The following SMYD2 variants were observed in gnomAD, a reference collection of about 807,000 sequenced individuals.
The protein encoded by SMYD2 is N-lysine methyltransferase SMYD2.
In SMYD2, 53 loss-of-function variants were observed where a neutral mutation model predicts 59.1. The observed-to-expected ratio is 0.90, with a 90% CI of 0.72 to 1.13. The LOEUF is 1.13. Ranked by LOEUF, SMYD2 falls within the 50% of genes most tolerant of loss-of-function variation. SMYD2 has a pLI of 0.00. For synonymous variants in SMYD2, 208 were observed against 198.8 expected (o/e 1.05, Z -0.39); for missense variants, 494 against 544.7 (o/e 0.91, Z 0.93).
chr1:214,324,371 G>A, intron 5 of SMYD2, among the ~76,000 whole-genome samples: 1 of 152,186 alleles, frequency 6.6e-6, no homozygotes, highest in East Asian at 1.9e-4. Context: ...AGTCCTCAGA[G>A]TCTTGGGGGT....
chr1:214,283,690 A>G (rs982263998), intron 1 of SMYD2, among the ~76,000 whole-genome samples: 2 of 152,178 alleles, frequency 1.3e-5, no homozygotes, highest in African/African-American at 4.8e-5. Context: ...ATTTTCCTCC[A>G]TAGGGCCTCA....
Position 214,318,124 on chromosome 1 carries a change from A to T in SMYD2, c.394A>T (p.Lys132Ter). ...RTPSEKLLAV[K>*]EFESHLDKLD... ...ACCTTCGGAAAAATTGTTAGCTGTG[A>T]AGGAGTTTGAATCACGTAAGTCTTT... is the stretch of plus-strand genomic sequence containing the variant. The change falls in exon 4 of 12, where the codon AAG becomes TAG. Residue 132 changes from lysine to a stop codon, truncating the protein, a stop_gained. Coordinates refer to ENST00000366957, the MANE Select transcript of SMYD2 (RefSeq NM_020197.3). LOFTEE classifies it high-confidence loss of function. This position sits in a 1 kb window ranked among gnomAD's most constrained non-coding sequence, Gnocchi z 5.4. The T allele has an allele frequency of 1.2e-6, 2 of 1,613,902 alleles. No individual in the cohort carries two copies. The highest frequency in any genetic ancestry group is 1.7e-6 in the Non-Finnish European group (2 of 1,179,972).
chr1:214,317,180 G>A (rs1208033464), intron 3 of SMYD2, among the ~76,000 whole-genome samples: 5 of 152,164 alleles, frequency 3.3e-5, no homozygotes, highest in African/African-American at 1.2e-4. Context: ...GGCACCAGGA[G>A]GGTAGTCTGA....
intron 1 of SMYD2, among the ~76,000 whole-genome samples, chr1:214,296,126 G>C (rs1001175993): frequency 6.6e-6 from 1 of 152,206 alleles, no homozygotes; most frequent in African/African-American, 2.4e-5. Flanking sequence ...ATTCATTTCA[G>C]TAGCAGAAAG....
intron 8 of SMYD2, 120 bp from the exon 9 acceptor site, chr1:214,330,830 G>C: frequency 6.9e-7 from 1 of 1,440,324 alleles, no homozygotes; most frequent in Non-Finnish European, 9.4e-7. Context: ...TCATTCTTTT[G>C]TAACCTTGGA....
At chr1:214,301,545 T>C (rs1028561678) in intron 1 of SMYD2, among the ~76,000 whole-genome samples, 38 of 140,702 alleles carry the variant, frequency 2.7e-4, no homozygotes, top group Middle Eastern at 7.0e-3. Flanking sequence ...ATATTACCAC[T>C]AGTCTCATCA....
intron 1 of SMYD2, among the ~76,000 whole-genome samples, chr1:214,286,749 C>CAAAAA (rs5780769): frequency 1.9e-4 from 14 of 71,994 alleles, no homozygotes; most frequent in Non-Finnish European, 2.3e-4. Flanking sequence ...GCCTCCATCT[C>CAAAAA]AAAAAAAAAA....
intron 1 of SMYD2, among the ~76,000 whole-genome samples, chr1:214,298,118 C>G (rs12095774): frequency 0.55 from 83,311 of 151,988 alleles, 23,235 homozygotes; most frequent in Non-Finnish European, 0.58. Flanking sequence ...GCAAAAAGAA[C>G]AAAGCCAGAG....
At chr1:214,330,102 C>A in intron 7 of SMYD2, 66 bp from the exon 8 acceptor site, 1 of 1,115,528 alleles carries the variant, frequency 9.0e-7, no homozygotes, top group Non-Finnish European at 1.3e-6. Flanking sequence ...ACTGCAAAGG[C>A]ACGGGAATGA....
chr1:214,321,706 T>C (rs1325096062), intron 5 of SMYD2, among the ~76,000 whole-genome samples: 1 of 152,244 alleles, frequency 6.6e-6, no homozygotes, highest in Non-Finnish European at 1.5e-5. Flanking sequence ...AGTGTATTTT[T>C]GGTGTGCAGC....
At chr1:214,319,488 G>A (rs1034914625) in intron 5 of SMYD2, among the ~76,000 whole-genome samples, 1 of 152,158 alleles carries the variant, frequency 6.6e-6, no homozygotes, top group Non-Finnish European at 1.5e-5. Context: ...TTTCCTGATG[G>A]TGGCTAAGAA....
chr1:214,329,371 A>G (rs1025672607), intron 7 of SMYD2, among the ~76,000 whole-genome samples: 2 of 152,084 alleles, frequency 1.3e-5, no homozygotes, highest in Non-Finnish European at 2.9e-5. Flanking sequence ...CATGAGATCC[A>G]TCTGTTCAGT....
chr1:214,305,144 T>G, intron 1 of SMYD2, 43 bp from the exon 2 acceptor site: 2 of 1,579,800 alleles, frequency 1.3e-6, no homozygotes, highest in Non-Finnish European at 1.7e-6. Flanking sequence ...CAGCTTCACG[T>G]TTCTGTGTCT....
intron 2 of SMYD2, among the ~76,000 whole-genome samples, chr1:214,313,973 TCA>T (rs1027125855): frequency 8.5e-5 from 13 of 152,054 alleles, no homozygotes; most frequent in African/African-American, 3.1e-4. Context: ...GGTTAAGAGA[TCA>T]AGACTATCCT....
At chr1:214,335,888 C>T (rs1558059709) in intron 11 of SMYD2, among the ~76,000 whole-genome samples, 1 of 152,132 alleles carries the variant, frequency 6.6e-6, no homozygotes, top group East Asian at 1.9e-4. Context: ...AACCTGCTAC[C>T]TTTCTTTTAA....
chr1:214,305,410 C>T (rs1656900298), intron 2 of SMYD2, among the ~76,000 whole-genome samples, 160 bp downstream of exon 2: 1 of 152,142 alleles, frequency 6.6e-6, no homozygotes, highest in South Asian at 2.1e-4. Flanking sequence ...CACAGGCGGC[C>T]AGTGATAGGC....
At chr1:214,319,365 G>A (rs1185945160) in intron 5 of SMYD2, among the ~76,000 whole-genome samples, 2 of 152,128 alleles carry the variant, frequency 1.3e-5, no homozygotes, top group Non-Finnish European at 1.5e-5. Context: ...TGTTCTATCT[G>A]TAGTGTTTTT....
chr1:214,321,746 A>T (rs1657175727), intron 5 of SMYD2, among the ~76,000 whole-genome samples: 1 of 152,228 alleles, frequency 6.6e-6, no homozygotes, highest in Non-Finnish European at 1.5e-5. Context: ...TAATTATGAG[A>T]ATAGCTTTTG....
At chr1:214,317,604 G>C (rs1657106927) in intron 3 of SMYD2, among the ~76,000 whole-genome samples, 2 of 152,198 alleles carry the variant, frequency 1.3e-5, no homozygotes, top group African/African-American at 4.8e-5. Context: ...CGCGTTTAAA[G>C]TGAATCTGGG....
Sources: gnomAD v4.1 joint callset for allele counts (sites outside exome capture counted in the v4.1 genomes callset) on GRCh38, gnomAD v4.1.1 for gene constraint, Gnocchi (gnomAD v3.1) non-coding constraint, MANE v1.5 for transcripts, NCBI Gene and HGNC (gene_info 2026-07-23, HGNC 2026-07-21) for gene names.